Variants in INTS8 observed in about 807,000 individuals in gnomAD.
The protein encoded by INTS8 is integrator complex subunit 8, also known as protein kaonashi-1.
Under a neutral mutation model 138.9 loss-of-function variants are expected in INTS8, and 47 were observed. The ratio of observed to expected loss-of-function variants is 0.34; its 90% CI spans 0.27 to 0.43. The LOEUF is 0.43. INTS8 is among the 20% of genes least tolerant of loss of function. The pLI is 1.00. For synonymous variants in INTS8, 392 were observed against 400.9 expected, an observed-to-expected ratio of 0.98 and a Z score of 0.27; for missense variants, 996 against 1,173.0, an observed-to-expected ratio of 0.85 and a Z score of 2.20.
rs372034182 is a variant in INTS8 at position 94,827,745 on chromosome 8, G to T, written c.470G>T (p.Ser157Ile). The T allele has an allele frequency of 1.9e-6, 3 of 1,614,096 alleles. No homozygotes were observed. The highest frequency in any genetic ancestry group is 2.5e-6 in the Non-Finnish European group (3 of 1,179,936). The change falls in exon 4 of 27, where the codon AGT becomes ATT. Residue 157 changes from serine to isoleucine, a missense_variant. Transcript: ENST00000523731. ...AGGGCAATTAGGACAATTGTTCAAA[G>T]TAGTTTTCCAGTCAAACAGGCAAAA... The part of the protein sequence containing the change: ...NRWAIRTIVQ[S>I]SFPVKQAKPG...
At chr8:94,855,707 A>T (rs1224020864) in intron 14 of INTS8, among the ~76,000 whole-genome samples, 2 of 152,210 alleles carry the variant, frequency 1.3e-5, no homozygotes. Context: ...CAAGGGATAG[A>T]GAGAAGAGAA....
At chr8:94,829,412 GAT>G (rs2130994401) in intron 5 of INTS8, among the ~76,000 whole-genome samples, 1 of 152,090 alleles carries the variant, frequency 6.6e-6, no homozygotes, top group South Asian at 2.1e-4. Flanking sequence ...TGTAGTTCAC[GAT>G]AGGGTTTGCG....
At chr8:94,836,084 C>T (rs1381148666) in intron 6 of INTS8, among the ~76,000 whole-genome samples, 2 of 152,084 alleles carry the variant, frequency 1.3e-5, no homozygotes, top group African/African-American at 4.8e-5. Context: ...TGGTGGGTAG[C>T]GGCAACAGCG....
intron 16 of INTS8, among the ~76,000 whole-genome samples, chr8:94,864,147 A>G (rs1816092699): frequency 6.6e-6 from 1 of 152,192 alleles, no homozygotes; most frequent in Non-Finnish European, 1.5e-5. Context: ...AATAGTCACA[A>G]TGTGTCAGGT....
chr8:94,872,085 C>A, intron 21 of INTS8, 83 bp downstream of exon 21: 2 of 661,990 alleles, frequency 3.0e-6, no homozygotes, highest in South Asian at 4.0e-5. Context: ...TATTTTATTT[C>A]AATACTTAAG....
intron 15 of INTS8, among the ~76,000 whole-genome samples, chr8:94,857,880 A>C (rs1355880918): frequency 6.6e-6 from 1 of 152,232 alleles, no homozygotes; most frequent in Non-Finnish European, 1.5e-5. Flanking sequence ...ACTTCTACAC[A>C]CTAGAGAAAC....
chr8:94,856,651 C>G, intron 14 of INTS8, 126 bp from the exon 15 acceptor site: 3 of 724,716 alleles, frequency 4.1e-6, no homozygotes, highest in Non-Finnish European at 7.3e-6. Flanking sequence ...TCTAGCCTTA[C>G]TGCCTGAGAA....
chr8:94,824,114 T>C (rs996089633), intron 1 of INTS8, among the ~76,000 whole-genome samples: 1 of 152,200 alleles, frequency 6.6e-6, no homozygotes, highest in Non-Finnish European at 1.5e-5. Flanking sequence ...TGGCTTTGTA[T>C]AGTGATGATA....
intron 16 of INTS8, among the ~76,000 whole-genome samples, chr8:94,862,173 C>G (rs1389562862): frequency 6.6e-6 from 1 of 151,988 alleles, no homozygotes; most frequent in African/African-American, 2.4e-5. Flanking sequence ...AACTCCTGAC[C>G]TCAGGTGATC....
intron 23 of INTS8, among the ~76,000 whole-genome samples, chr8:94,875,603 G>A (rs970044519): frequency 7.2e-5 from 11 of 152,106 alleles, no homozygotes; most frequent in Non-Finnish European, 1.5e-4. Context: ...CTTTAAGAGG[G>A]TAACTTTTAT....
chr8:94,875,267 A>G (rs1158220425), intron 23 of INTS8, among the ~76,000 whole-genome samples: 2 of 152,204 alleles, frequency 1.3e-5, no homozygotes, highest in Non-Finnish European at 2.9e-5. Context: ...CAGCATATCT[A>G]TGCAATGAAA....
chr8:94,881,206 G>GAA lies in INTS8; in HGVS notation c.*973_*974dup. The GAA allele has an allele frequency of 2.7e-6, 1 of 372,468 alleles. No individual in the cohort carries two copies. The highest frequency in any genetic ancestry group is 4.8e-6 in the Non-Finnish European group (1 of 210,466). The allele number at this position is 372,468 out of a possible 1,614,324, so 23.1% of individuals were successfully genotyped here. A position where few individuals can be genotyped will look rare whatever the true frequency, so the allele number is the denominator to read the frequency against. ...CAAATTGCACTAGTCAAGAGTGTAGGAATTTTGAGAATCTAACAACTAGAT... is the reference window on the plus strand; with the variant it reads ...CAAATTGCACTAGTCAAGAGTGTAGGAAAATTTTGAGAATCTAACAACTAGAT... On this transcript the variant is annotated 3_prime_UTR_variant, in exon 27 of 27. Transcript: ENST00000523731.
chr8:94,827,683 A>G (rs1352541152), intron 3 of INTS8, 39 bp from the exon 4 acceptor site: 6 of 1,496,076 alleles, frequency 4.0e-6, no homozygotes, highest in Non-Finnish European at 5.6e-6. Flanking sequence ...GATGACATTT[A>G]TAATGTATGA....
At position 94,867,552 on chromosome 8, in the gene INTS8, C is replaced by T. The variant is rs1006909483; in HGVS notation, c.2414+215C>T. The stretch of plus-strand genomic sequence containing the variant: ...TTTTTTTTTTTTTTTGAGGCAGAGT[C>T]TCACTCTGTTGCCCAGGCTGGAATG... On this transcript the variant is annotated intron_variant, in intron 20 of 26. Coordinates refer to ENST00000523731, the MANE Select transcript of INTS8 (RefSeq NM_017864.4). 3.3e-5 allele frequency: 14 copies of T among 420,948 alleles called. No individual in the cohort carries two copies. The South Asian group carries it at 4.9e-4, about 15-fold the overall frequency. 26.1% of individuals were successfully genotyped at this position (420,948 alleles called of 1,614,324 possible).
Position 94,881,561 on chromosome 8 carries a change from CTT to C in INTS8, c.*1329_*1330del. The C allele has an allele frequency of 6.7e-7, 1 of 1,494,218 alleles. No homozygotes were observed. Among genetic ancestry groups the C allele is most frequent in the Non-Finnish European group, 9.2e-7 (1 of 1,090,244 alleles). 92.6% of individuals were successfully genotyped at this position (1,494,218 alleles called of 1,614,324 possible). ...AATCACAGCACTACTTTCTGTAAAACTTTAGTAGTTCAGTGATACCAGTTCTA... is the reference window on the plus strand; with the variant it reads ...AATCACAGCACTACTTTCTGTAAAACTAGTAGTTCAGTGATACCAGTTCTA... On this transcript the variant is annotated 3_prime_UTR_variant, in exon 27 of 27. Coordinates refer to ENST00000523731, the MANE Select transcript of INTS8 (RefSeq NM_017864.4).
At chr8:94,876,526 T>A (rs1471252978) in intron 26 of INTS8, 37 bp downstream of exon 26, 1 of 1,324,818 alleles carries the variant, frequency 7.5e-7, no homozygotes. Flanking sequence ...TGGTACAGTT[T>A]CCAGAATATT....
At position 94,841,589 on chromosome 8, in the gene INTS8, G is replaced by A; in HGVS notation, c.1116G>A (p.Gln372=). Residue 372 remains glutamine (Q), a splice_region_variant and synonymous_variant, in exon 9 of 27, where the codon CAG becomes CAA. Coordinates refer to ENST00000523731, the MANE Select transcript of INTS8 (RefSeq NM_017864.4). ...VLRELFKKAQ[Q]GNEALDEICF... is the part of the protein sequence containing the mutation. ...GAGAACTCTTTAAGAAAGCTCAACA[G>A]GGGTAAGTAAGTTGAAAAATTACTT... The A allele has an allele frequency of 6.5e-7, 1 of 1,527,242 alleles. No homozygotes were observed. The highest frequency in any genetic ancestry group is 9.0e-7 in the Non-Finnish European group (1 of 1,115,592). The allele number at this position is 1,527,242 out of a possible 1,614,324, so 94.6% of individuals were successfully genotyped here.
At chr8:94,863,348 C>T (rs1816063480) in intron 16 of INTS8, among the ~76,000 whole-genome samples, 2 of 152,236 alleles carry the variant, frequency 1.3e-5, no homozygotes, top group African/African-American at 4.8e-5. Flanking sequence ...TGCACCTGTG[C>T]ACACGCTGTT....
At chr8:94,834,484 G>T (rs949988632) in intron 6 of INTS8, among the ~76,000 whole-genome samples, 1 of 151,838 alleles carries the variant, frequency 6.6e-6, no homozygotes, top group Non-Finnish European at 1.5e-5. Context: ...AAGATGAGCG[G>T]ATCACCTGAG....
Sources: allele counts gnomAD v4.1 joint callset (sites outside exome capture counted in the v4.1 genomes callset), GRCh38; gene constraint gnomAD v4.1.1; transcripts MANE v1.5; gene names NCBI Gene and HGNC (gene_info 2026-07-23, HGNC 2026-07-21).